The following FANCD2 variants were observed in gnomAD, a reference collection of about 807,000 sequenced individuals.
FANCD2 encodes FA complementation group D2.
A neutral mutation model predicts 192.3 loss-of-function variants in FANCD2; 131 were observed. The observed-to-expected ratio is 0.68, with a 90% confidence interval of 0.59 to 0.79. The LOEUF is 0.79. Ranked by LOEUF, FANCD2 falls within the 30% of genes least tolerant of loss-of-function variation. The probability of loss-of-function intolerance (pLI) is 0.00; values close to 1 mark genes in which losing one functional copy is unlikely to be tolerated. For synonymous variants in FANCD2, 524 were observed against 612.5 expected, an observed-to-expected ratio of 0.86 and a Z score of 2.13; for missense variants, 1,508 against 1,701.6, an observed-to-expected ratio of 0.89 and a Z score of 2.00.
At chr3:10,055,442 T>C (rs2087380228) in intron 18 of FANCD2, among the ~76,000 whole-genome samples, 1 of 152,188 alleles carries the variant, frequency 6.6e-6, no homozygotes, top group Non-Finnish European at 1.5e-5. Context: ...TCTCGCTTAT[T>C]TCACTTAGCA....
chr3:10,028,675 A>T lies in FANCD2; in HGVS notation c.18A>T (p.Arg6Ser), dbSNP rs1478137051. Residue 6 changes from arginine to serine, a missense_variant, in exon 2 of 44, where the codon AGA becomes AGT. By Grantham distance (110) the Arg-to-Ser change is moderately radical (BLOSUM62 -1). Coordinates refer to ENST00000675286, the MANE Select transcript of FANCD2 (RefSeq NM_001018115.3). MVSKR[R>S]LSKSEDKESL... ...TGGTCAAAATGGTTTCCAAAAGAAGACTGTCAAAATCTGAGGATAAAGAGA... is the reference window on the plus strand; with the variant it reads ...TGGTCAAAATGGTTTCCAAAAGAAGTCTGTCAAAATCTGAGGATAAAGAGA... 1 of 1,614,024 alleles carries T rather than the reference A, an allele frequency of 6.2e-7. No individual in the cohort carries two copies. The highest frequency in any genetic ancestry group is 1.3e-5 in the African/African-American group (1 of 74,938).
In FANCD2 at chr3:10,072,858, C is replaced by G. The variant is rs1250674178; in HGVS notation, c.2495-13C>G. On this transcript the variant is annotated splice_polypyrimidine_tract_variant and intron_variant, in intron 26 of 43. Transcript: ENST00000675286. The stretch of plus-strand genomic sequence containing the variant: ...TTGGTACACATTGAGCTTCAGCCTG[C>G]TGTTTGTTTCAGTCACCCCAGACTA... 1 of 1,411,412 alleles carries G rather than the reference C, an allele frequency of 7.1e-7. No homozygotes were observed. The highest frequency in any genetic ancestry group is 2.3e-5 in the East Asian group (1 of 43,894). The allele number at this position is 1,411,412 out of a possible 1,614,324, so 87.4% of individuals were successfully genotyped here.
chr3:10,033,159 C>T (rs2086644398), intron 3 of FANCD2, among the ~76,000 whole-genome samples, 187 bp downstream of exon 3: 1 of 152,108 alleles, frequency 6.6e-6, no homozygotes, highest in Admixed American at 6.6e-5. Flanking sequence ...GTTTATCATC[C>T]CAGCACTTTG....
At chr3:10,055,058 T>C (rs1213165405) in intron 18 of FANCD2, among the ~76,000 whole-genome samples, 1 of 152,200 alleles carries the variant, frequency 6.6e-6, no homozygotes, top group Non-Finnish European at 1.5e-5. Flanking sequence ...TTTCCCTTCT[T>C]GTTCTACATC....
intron 33 of FANCD2, 107 bp from the exon 34 acceptor site, chr3:10,087,027 T>G: frequency 3.4e-6 from 4 of 1,190,720 alleles, no homozygotes; most frequent in Non-Finnish European, 5.0e-6. Context: ...GGATTCTGAT[T>G]AGGCCGTCAA....
In FANCD2 at chr3:10,098,764, TGAGA is replaced by T; in HGVS notation, c.4232_4235del (p.Glu1411ValfsTer23). On this transcript the variant is annotated frameshift_variant, in exon 43 of 44. Transcript: ENST00000675286. LOFTEE classifies it high-confidence loss of function. ...AAAATTCCCAGGAGAGCACAGCAGA[TGAGA>T]GTGAGGATGACATGTCATCCCAGGC... 6.2e-7 allele frequency: 1 copy of T among 1,614,030 alleles called. No homozygotes were observed. The highest frequency in any genetic ancestry group is 8.5e-7 in the Non-Finnish European group (1 of 1,180,014).
chr3:10,063,705 A>G, intron 20 of FANCD2, 87 bp from the exon 21 acceptor site: 1 of 1,570,470 alleles, frequency 6.4e-7, no homozygotes, highest in South Asian at 1.1e-5. Flanking sequence ...AAAATCAGAA[A>G]GTGAAAAAAC....
intron 13 of FANCD2, 46 bp downstream of exon 13, chr3:10,043,638 A>G (rs371985200): frequency 5.6e-6 from 8 of 1,440,476 alleles, no homozygotes; most frequent in African/African-American, 1.4e-5. Context: ...ATGAGTGGCA[A>G]TTAGTGACAG....
intron 41 of FANCD2, among the ~76,000 whole-genome samples, chr3:10,096,018 G>A (rs1024240677): frequency 4.6e-5 from 7 of 152,042 alleles, no homozygotes; most frequent in African/African-American, 1.4e-4. Context: ...GCTAAACAGG[G>A]CTACTCTATT....
intron 27 of FANCD2, 83 bp downstream of exon 27, chr3:10,073,064 C>A: frequency 1.1e-6 from 1 of 883,326 alleles, no homozygotes; most frequent in Non-Finnish European, 1.9e-6. Context: ...ATCATGGCAT[C>A]AGTAATTGGA....
chr3:10,051,418 T>TAAAAAAA (rs1559381216), intron 17 of FANCD2, among the ~76,000 whole-genome samples: 1 of 25,782 alleles, frequency 3.9e-5, no homozygotes, highest in African/African-American at 1.7e-4. Flanking sequence ...CAAAAAGGAG[T>TAAAAAAA]GAGGGATTTA....
At chr3:10,028,833 GA>G (rs1431512597) in intron 2 of FANCD2, 112 bp downstream of exon 2, 11 of 934,606 alleles carry the variant, frequency 1.2e-5, no homozygotes, top group Non-Finnish European at 1.9e-5. Context: ...GTAATGAATG[GA>G]GTGCACAGAA....
At chr3:10,060,521 G>A in intron 19 of FANCD2, 118 bp downstream of exon 19, 1 of 784,402 alleles carries the variant, frequency 1.3e-6, no homozygotes, top group Non-Finnish European at 2.2e-6. Flanking sequence ...GAGCAAATGT[G>A]TTTTGCTACT....
At chr3:10,052,543 A>T (rs761754388) in intron 18 of FANCD2, 46 bp downstream of exon 18, 2 of 1,294,532 alleles carry the variant, frequency 1.5e-6, no homozygotes, top group Admixed American at 3.4e-5. Context: ...TTTGAGACAG[A>T]GTCTAGCTCT....
chr3:10,098,593 C>T, intron 42 of FANCD2, 127 bp from the exon 43 acceptor site: 1 of 1,119,440 alleles, frequency 8.9e-7, no homozygotes, highest in Non-Finnish European at 1.3e-6. Flanking sequence ...AAGTTGGTAT[C>T]CATGTTTGCT....
chr3:10,062,869 G>C (rs35198334), intron 20 of FANCD2, among the ~76,000 whole-genome samples: 29,421 of 151,898 alleles, frequency 0.19, 3,264 homozygotes, highest in African/African-American at 0.31. Context: ...ATTTTTAGTA[G>C]AGACGGGGTT....
intron 3 of FANCD2, 47 bp downstream of exon 3, chr3:10,033,019 C>T: frequency 7.2e-7 from 1 of 1,396,186 alleles, no homozygotes; most frequent in Non-Finnish European, 1.0e-6. Context: ...TGAAATAGTT[C>T]AGGACTGAAT....
chr3:10,051,598 G>C (rs2087220298), intron 17 of FANCD2, among the ~76,000 whole-genome samples: 1 of 152,042 alleles, frequency 6.6e-6, no homozygotes, highest in Admixed American at 6.6e-5. Flanking sequence ...ATGTCGAGAA[G>C]CATCAAGGAG....
intron 2 of FANCD2, among the ~76,000 whole-genome samples, chr3:10,031,339 T>C (rs1419151883): frequency 6.6e-6 from 1 of 151,928 alleles, no homozygotes; most frequent in African/African-American, 2.4e-5. Context: ...CCGTCTCTAC[T>C]AAAAATACAA....
Sources: gnomAD v4.1 joint callset for allele counts (sites outside exome capture counted in the v4.1 genomes callset) on GRCh38, gnomAD v4.1.1 for gene constraint, MANE v1.5 for transcripts, NCBI Gene and HGNC (gene_info 2026-07-23, HGNC 2026-07-21) for gene names.